The following TENM2 variants were observed in gnomAD, a reference collection of about 807,000 sequenced individuals.
TENM2 encodes teneurin transmembrane protein 2, also known as teneurin-2.
A neutral mutation model predicts 245.2 loss-of-function variants in TENM2; 52 were observed. The ratio of observed to expected loss-of-function variants is 0.21; its 90% CI spans 0.17 to 0.27. The LOEUF is 0.27. Ranked by LOEUF, TENM2 falls within the 10% of genes least tolerant of loss-of-function variation. The pLI is 1.00. For missense variants in TENM2, 3,046 were observed against 3,666.8 expected, an observed-to-expected ratio of 0.83 and a Z score of 4.37; for synonymous variants, 1,363 against 1,438.9, an observed-to-expected ratio of 0.95 and a Z score of 1.19.
chr5:167,625,628 T>C (rs1042621238), intron 2 of TENM2, among the ~76,000 whole-genome samples: 2 of 152,224 alleles, frequency 1.3e-5, no homozygotes, highest in African/African-American at 4.8e-5. Flanking sequence ...CAGTTATCTA[T>C]TGTTCTGTAA....
chr5:168,116,056 T>C (rs557091894), intron 9 of TENM2, among the ~76,000 whole-genome samples: 2 of 152,174 alleles, frequency 1.3e-5, no homozygotes, highest in Admixed American at 1.3e-4. Flanking sequence ...AAGTTCAGAG[T>C]TTCTTGTGCT....
chr5:167,331,911 T>C lies in TENM2; in HGVS notation c.227-43287T>C, dbSNP rs112835193. Among the ~76,000 whole-genome samples the C allele has an allele frequency of 2.1e-3, 327 of 152,324 alleles. 1 individual carries two copies. The highest frequency in any genetic ancestry group is 3.8e-3 in the Non-Finnish European group (258 of 68,018). ...TGAGGGGGCACCTGGCATTAAATAC[T>C]GTATTTACGAAAATGCAGTAAAAAA... On this transcript the variant is annotated intron_variant, in intron 1 of 28. Transcript: ENST00000518659.
At chr5:167,352,351 T>C (rs566247498) in intron 1 of TENM2, among the ~76,000 whole-genome samples, 9 of 152,334 alleles carry the variant, frequency 5.9e-5, no homozygotes, top group African/African-American at 2.2e-4. Context: ...CAAAATGTGA[T>C]CTAATGAAAA....
intron 2 of TENM2, among the ~76,000 whole-genome samples, chr5:167,381,869 T>G (rs1232530503): frequency 1.3e-5 from 2 of 152,188 alleles, no homozygotes; most frequent in African/African-American, 4.8e-5. Flanking sequence ...GTGGGTTTAA[T>G]TTTGCTCTAC....
chr5:167,070,369 TCCC>T, the TENM2 span, among the ~76,000 whole-genome samples: 1 of 148,264 alleles, frequency 6.7e-6, no homozygotes, highest in African/African-American at 2.5e-5. Context: ...GACCTCATGA[TCCC>T]CCCATCTTGG....
At position 167,527,468 on chromosome 5, in the gene TENM2, G is replaced by A. The variant is rs180680023; in HGVS notation, c.502+151995G>A. ...TACTCCTCATGTGTTGCATTCTCTG[G>A]ACTCTGTCTGTATTTACACTGTTCC... On this transcript the variant is annotated intron_variant, in intron 2 of 28. Transcript: ENST00000518659. Among the ~76,000 whole-genome samples, 616 of 151,890 alleles carry A rather than the reference G, an allele frequency of 4.1e-3. 4 individuals are homozygous for A. Among genetic ancestry groups the A allele is most frequent in the African/African-American group, 0.014 (573 of 41,444 alleles).
chr5:168,152,474 C>A (rs931267086), intron 12 of TENM2, among the ~76,000 whole-genome samples: 1 of 152,180 alleles, frequency 6.6e-6, no homozygotes. Flanking sequence ...CAGGCCTCCT[C>A]GGTGTTATTT....
chr5:167,747,531 T>G (rs1265061658), intron 2 of TENM2, among the ~76,000 whole-genome samples: 1 of 152,220 alleles, frequency 6.6e-6, no homozygotes, highest in African/African-American at 2.4e-5. Context: ...TTGTAATACC[T>G]CACGCTGATA....
chr5:167,805,506 G>T (rs1440318659), intron 2 of TENM2, among the ~76,000 whole-genome samples: 1 of 152,088 alleles, frequency 6.6e-6, no homozygotes, highest in African/African-American at 2.4e-5. Flanking sequence ...TGCTTCACAG[G>T]GAGAGAAATT....
At chr5:168,050,299 G>T (rs1044852712) in intron 6 of TENM2, among the ~76,000 whole-genome samples, 3 of 152,166 alleles carry the variant, frequency 2.0e-5, no homozygotes, top group Non-Finnish European at 2.9e-5. Flanking sequence ...TCTCACCCAT[G>T]CCTATTTCTT....
intron 1 of TENM2, among the ~76,000 whole-genome samples, chr5:167,333,219 A>C (rs1240732363): frequency 6.6e-6 from 1 of 152,208 alleles, no homozygotes; most frequent in Non-Finnish European, 1.5e-5. Context: ...TAGTAAGGCA[A>C]ATCAGAGAAA....
At chr5:168,198,301 T>G (rs1015202831) in intron 15 of TENM2, among the ~76,000 whole-genome samples, 4 of 144,172 alleles carry the variant, frequency 2.8e-5, no homozygotes, top group African/African-American at 1.0e-4. Flanking sequence ...GTTCAAGCAA[T>G]TCTCCTGCCT....
chr5:167,502,024 G>A (rs866047032), intron 2 of TENM2, among the ~76,000 whole-genome samples: 2 of 150,124 alleles, frequency 1.3e-5, no homozygotes, highest in Admixed American at 1.3e-4. Context: ...AAAAAAAAAA[G>A]GTACTAGGTC....
chr5:167,845,272 C>G, intron 2 of TENM2, among the ~76,000 whole-genome samples: 1 of 124,402 alleles, frequency 8.0e-6, no homozygotes, highest in South Asian at 3.2e-4. Flanking sequence ...CACACACACA[C>G]ACACACACAA....
chr5:167,122,838 T>A, the TENM2 span, among the ~76,000 whole-genome samples: 1 of 152,184 alleles, frequency 6.6e-6, no homozygotes, highest in African/African-American at 2.4e-5. Context: ...AAATGGTGTT[T>A]CTGATGTGGA....
chr5:168,003,987 A>G (rs1309774240), intron 5 of TENM2, among the ~76,000 whole-genome samples: 1 of 152,224 alleles, frequency 6.6e-6, no homozygotes, highest in Non-Finnish European at 1.5e-5. Flanking sequence ...ATTCAGCTAC[A>G]ACCCTTGCTA....
rs751791495 is a variant in TENM2, at chr5:168,218,471, A to G, written c.4580A>G (p.Asn1527Ser). 19 of 1,613,910 alleles carry G rather than the reference A, an allele frequency of 1.2e-5. No homozygotes were observed. The highest frequency in any genetic ancestry group is 5.3e-5 in the African/African-American group (4 of 74,918). ...GACTGCGACTGCAAAAACGATGTCAATTGCAACTGCTATTCAGGAGATGAT... is the reference window on the plus strand; with the variant it reads ...GACTGCGACTGCAAAAACGATGTCAGTTGCAACTGCTATTCAGGAGATGAT... Residue 1527 changes from asparagine (N) to serine (S), a missense_variant, in exon 23 of 29, where the codon AAT becomes AGT. Asn to Ser is a conservative substitution (Grantham distance 46). This residue lies in a region of TENM2 where 2,704 missense variants were observed against 3,331.9 expected (regional missense o/e 0.81). Transcript: ENST00000518659. The surrounding 1 kb of genome is among the most constrained non-coding windows in gnomAD (Gnocchi z 5.2).
intron 3 of TENM2, among the ~76,000 whole-genome samples, chr5:167,903,408 A>T (rs1226916010): frequency 6.6e-6 from 1 of 152,174 alleles, no homozygotes; most frequent in Non-Finnish European, 1.5e-5. Context: ...GCTGAGCTAG[A>T]CAATCACATG....
intron 2 of TENM2, among the ~76,000 whole-genome samples, chr5:167,806,020 G>A (rs536182296): frequency 2.0e-5 from 3 of 152,244 alleles, no homozygotes; most frequent in African/African-American, 7.2e-5. Flanking sequence ...AGTCCAAAGT[G>A]TGCTCCCAAA....
Sources: allele counts gnomAD v4.1 joint callset (sites outside exome capture counted in the v4.1 genomes callset), GRCh38; gene constraint gnomAD v4.1.1; regional missense constraint gnomAD v4.1.1; non-coding constraint Gnocchi (gnomAD v3.1); transcripts MANE v1.5; gene names NCBI Gene and HGNC (gene_info 2026-07-23, HGNC 2026-07-21).